The following PIGX variants were observed in gnomAD, a reference collection of about 807,000 sequenced individuals.
PIGX encodes phosphatidylinositol glycan anchor biosynthesis class X.
PIGX carries 24 observed loss-of-function variants against 28.7 expected under a neutral mutation model. The observed-to-expected ratio is 0.84, with a 90% confidence interval of 0.60 to 1.17. PIGX has a LOEUF of 1.17. Ranked by LOEUF, PIGX falls within the 50% of genes most tolerant of loss-of-function variation. PIGX has a pLI of 0.00. For missense variants in PIGX, 305 were observed against 317.8 expected (o/e 0.96, Z 0.31); for synonymous variants, 127 against 121.0 (o/e 1.05, Z -0.33).
intron 3 of PIGX, among the ~76,000 whole-genome samples, chr3:196,723,583 C>T (rs1712406731): frequency 6.6e-6 from 1 of 151,408 alleles, no homozygotes; most frequent in Non-Finnish European, 1.5e-5. Context: ...TAGATTGGGC[C>T]CCAAAATCTG....
At position 196,735,331 on chromosome 3, in the gene PIGX, A is replaced by T. The variant is rs540972921; in HGVS notation, c.*1429A>T. 6.7e-6 allele frequency: 1 copy of T among 148,464 alleles called. No homozygotes were observed. Among genetic ancestry groups the T allele is most frequent in the South Asian group, 2.1e-4 (1 of 4,714 alleles). 9.2% of individuals were successfully genotyped at this position (148,464 alleles called of 1,614,324 possible). A position where few individuals can be genotyped will look rare whatever the true frequency, so the allele number is the denominator to read the frequency against. On this transcript the variant is annotated 3_prime_UTR_variant, in exon 6 of 6. Transcript: ENST00000392391. ...AAAAAAAAAAAAAAAAAAAGTAAAT[A>T]AAACCTTAGGGCAAGCATGTTCCAA...
rs1346949594 is a variant in PIGX at position 196,735,762 on chromosome 3, T to A, written c.*1860T>A. ...ATGTCAGCTACAATTCAGGCATTGTTTTGGGATATGGTTAGATTGACAGGC... is the reference window on the plus strand; with the variant it reads ...ATGTCAGCTACAATTCAGGCATTGTATTGGGATATGGTTAGATTGACAGGC... On this transcript the variant is annotated 3_prime_UTR_variant, in exon 6 of 6. Coordinates refer to ENST00000392391, the MANE Select transcript of PIGX (RefSeq NM_017861.4). The A allele has an allele frequency of 1.3e-5, 2 of 152,196 alleles. No individual in the cohort carries two copies. Among genetic ancestry groups the A allele is most frequent in the Non-Finnish European group, 2.9e-5 (2 of 68,030 alleles). The allele number at this position is 152,196 out of a possible 1,614,324, so 9.4% of individuals were successfully genotyped here.
At chr3:196,717,024 G>A in intron 2 of PIGX, 103 bp downstream of exon 2, 1 of 690,852 alleles carries the variant, frequency 1.4e-6, no homozygotes, top group Non-Finnish European at 2.5e-6. Context: ...AATCAGGCCA[G>A]ATGCGGTGGC....
chr3:196,729,281 C>T (rs1243181499), intron 4 of PIGX, among the ~76,000 whole-genome samples: 1 of 151,514 alleles, frequency 6.6e-6, no homozygotes, highest in African/African-American at 2.4e-5. Context: ...TGCAGTGAGC[C>T]AAGATTACAC....
chr3:196,730,529 C>G (rs1257571322), intron 4 of PIGX, among the ~76,000 whole-genome samples: 1 of 151,974 alleles, frequency 6.6e-6, no homozygotes, highest in Admixed American at 6.6e-5. Context: ...GTGGGTGGAT[C>G]ACGAGGTCAG....
chr3:196,717,300 C>CAAAAAAAAAAA lies in PIGX; in HGVS notation c.176+386_176+387insAAAAAAAAAAA, dbSNP rs55850813. Among the ~76,000 whole-genome samples the CAAAAAAAAAAA allele has an allele frequency of 2.1e-3, 258 of 120,902 alleles. 7 individuals are homozygous for CAAAAAAAAAAA. The highest frequency in any genetic ancestry group is 0.02 in the Middle Eastern group (5 of 256). 79.3% of individuals were successfully genotyped at this position (120,902 alleles called of 152,430 possible). On this transcript the variant is annotated intron_variant, in intron 2 of 5. Transcript: ENST00000392391. ...TGGGCAACAGAGTGAGACTCTGTCT[C>CAAAAAAAAAAA]AAAAAAAGAAAAAAGAAAAATCACT...
rs1712798960 is a variant in PIGX, at chr3:196,732,221, TATATATATATA to T, written c.633+1130_633+1140del. Among the ~76,000 whole-genome samples, 19 of 23,070 alleles carry T rather than the reference TATATATATATA, an allele frequency of 8.2e-4. 1 individual carries two copies. The highest frequency in any genetic ancestry group is 1.8e-3 in the African/African-American group (10 of 5,422). 15.1% of individuals were successfully genotyped at this position (23,070 alleles called of 152,430 possible). ...TAACTATATGTATATATTATTTATA[TATATATATATA>T]TATATATATATATATATATATATAT... On this transcript the variant is annotated intron_variant, in intron 5 of 5. Coordinates refer to ENST00000392391, the MANE Select transcript of PIGX (RefSeq NM_017861.4).
chr3:196,723,909 A>G (rs548127451), intron 3 of PIGX, among the ~76,000 whole-genome samples: 28 of 152,104 alleles, frequency 1.8e-4, no homozygotes, highest in African/African-American at 6.5e-4. Flanking sequence ...CAATGATAAC[A>G]TTCTGCCTGT....
Position 196,735,319 on chromosome 3 carries a change from A to AAAAAAAAAAAAAAAAAAC in PIGX, c.*1422_*1423insAAAAAAAAAAAACAAAAA, listed in dbSNP as rs1712966219. On this transcript the variant is annotated 3_prime_UTR_variant, in exon 6 of 6. Transcript: ENST00000392391. ...CAAAAAAAAAAAAAAAAAAAAAAAA[A>AAAAAAAAAAAAAAAAAAC]AAAAAGTAAATAAAACCTTAGGGCA... The AAAAAAAAAAAAAAAAAAC allele has an allele frequency of 7.0e-6, 1 of 142,708 alleles. No homozygotes were observed. The highest frequency in any genetic ancestry group is 2.6e-5 in the African/African-American group (1 of 38,242). The allele number at this position is 142,708 out of a possible 1,614,324, so 8.8% of individuals were successfully genotyped here.
At chr3:196,725,549 T>G (rs2108683873) in intron 3 of PIGX, among the ~76,000 whole-genome samples, 1 of 152,260 alleles carries the variant, frequency 6.6e-6, no homozygotes, top group East Asian at 1.9e-4. Flanking sequence ...GTAACTAGAA[T>G]TCACGGGACA....
rs371522421 is a variant in PIGX, at chr3:196,729,105, G to A, written c.532+969G>A. ...CCCCAGCACTTTGGGAGGCCGAGGC[G>A]GGTGGATCATGAGTTCAGGAGTTCG... On this transcript the variant is annotated intron_variant, in intron 4 of 5. Transcript: ENST00000392391. 3.7e-3 allele frequency among the ~76,000 whole-genome samples: 558 copies of A among 152,066 alleles called. 2 individuals are homozygous for A. Among genetic ancestry groups the A allele is most frequent in the Non-Finnish European group, 4.8e-3 (323 of 67,988 alleles).
chr3:196,719,273 C>G (rs1348687524), intron 2 of PIGX, among the ~76,000 whole-genome samples: 1 of 150,170 alleles, frequency 6.7e-6, no homozygotes, highest in Non-Finnish European at 1.5e-5. Context: ...CTCTTTGTTG[C>G]ATCTAGTCTT....
rs189136544 is a variant in PIGX, at chr3:196,735,469, T to C, written c.*1567T>C. 28 of 152,258 alleles carry C rather than the reference T, an allele frequency of 1.8e-4. No individual in the cohort carries two copies. The highest frequency in any genetic ancestry group is 6.7e-4 in the African/African-American group (28 of 41,552). The allele number at this position is 152,258 out of a possible 1,614,324, so 9.4% of individuals were successfully genotyped here. Reference sequence around the variant, plus strand: ...TGCTCCATTTCCTAAAGTATTTTGGTGTTTTCATGGGACTACATCTTGTAT... The same window carrying C: ...TGCTCCATTTCCTAAAGTATTTTGGCGTTTTCATGGGACTACATCTTGTAT... On this transcript the variant is annotated 3_prime_UTR_variant, in exon 6 of 6. Coordinates refer to ENST00000392391, the MANE Select transcript of PIGX (RefSeq NM_017861.4).
intron 2 of PIGX, among the ~76,000 whole-genome samples, chr3:196,721,941 T>G (rs796186539): frequency 6.6e-6 from 1 of 152,032 alleles, no homozygotes; most frequent in Non-Finnish European, 1.5e-5. Flanking sequence ...TGGTAGAGAC[T>G]AGGTCTCACT....
chr3:196,728,395 T>A, intron 4 of PIGX: 1 of 587,832 alleles, frequency 1.7e-6, no homozygotes, highest in South Asian at 2.2e-5. Context: ...GCCCCAACTG[T>A]CATCTCCTTC....
chr3:196,732,519 A>T (rs1351870870), intron 5 of PIGX, among the ~76,000 whole-genome samples: 1 of 151,042 alleles, frequency 6.6e-6, no homozygotes, highest in African/African-American at 2.4e-5. Context: ...TGACCTCATG[A>T]TCCGCCTGCC....
intron 4 of PIGX, among the ~76,000 whole-genome samples, chr3:196,730,674 G>A (rs1168089696): frequency 6.6e-6 from 1 of 150,464 alleles, no homozygotes; most frequent in Non-Finnish European, 1.5e-5. Flanking sequence ...CTTGAACCCA[G>A]GAGGTGGAGG....
rs1163305487 is a variant in PIGX at position 196,728,298 on chromosome 3, T to C, written c.532+162T>C. ...ATAATAATTCACTAAACTATGTATTTGAGTAGATTTTTATGTGTGTGCTTT... is the reference window on the plus strand; with the variant it reads ...ATAATAATTCACTAAACTATGTATTCGAGTAGATTTTTATGTGTGTGCTTT... On this transcript the variant is annotated intron_variant, in intron 4 of 5. Transcript: ENST00000392391. 1.3e-5 allele frequency: 8 copies of C among 608,308 alleles called. No homozygotes were observed. In the East Asian group the frequency reaches 2.2e-4, roughly 17 times the overall value. The allele number at this position is 608,308 out of a possible 1,614,324, so 37.7% of individuals were successfully genotyped here.
In PIGX at chr3:196,718,840, T is replaced by C. The variant is rs1277859482; in HGVS notation, c.176+1919T>C. On this transcript the variant is annotated intron_variant, in intron 2 of 5. Transcript: ENST00000392391. ...CAATGAAGCTCTGTTTTTGTGTGTG[T>C]GTGCTACATTTAGGATTGTTCTTGA... 2.0e-5 allele frequency among the ~76,000 whole-genome samples: 3 copies of C among 152,312 alleles called. No individual in the cohort carries two copies. The East Asian group carries it at 5.8e-4, about 29-fold the overall frequency.
Sources: gnomAD v4.1 joint callset for allele counts (sites outside exome capture counted in the v4.1 genomes callset) on GRCh38, gnomAD v4.1.1 for gene constraint, MANE v1.5 for transcripts, NCBI Gene and HGNC (gene_info 2026-07-23, HGNC 2026-07-21) for gene names.